The following TRIM45 variants were observed in gnomAD, a reference collection of about 807,000 sequenced individuals.
TRIM45 encodes E3 ubiquitin-protein ligase TRIM45.
A neutral mutation model predicts 46.7 loss-of-function variants in TRIM45; 45 were observed. The observed-to-expected ratio is 0.96, with a 90% confidence interval of 0.76 to 1.24. The LOEUF is 1.24. Ranked by LOEUF, TRIM45 falls within the 50% of genes most tolerant of loss-of-function variation. The pLI is 0.00. For synonymous variants in TRIM45, 259 were observed against 285.8 expected, an observed-to-expected ratio of 0.91 and a Z score of 0.94; for missense variants, 680 against 728.4, an observed-to-expected ratio of 0.93 and a Z score of 0.77.
Position 117,113,273 on chromosome 1 carries a change from G to A in TRIM45, c.1594+86C>T. The A allele has an allele frequency of 6.5e-7, 1 of 1,550,294 alleles. No individual in the cohort carries two copies. Among genetic ancestry groups the A allele is most frequent in the East Asian group, 2.3e-5 (1 of 44,404 alleles). On this transcript the variant is annotated intron_variant, in intron 5 of 5. Transcript: ENST00000256649. This position sits in a 1 kb window ranked among gnomAD's most constrained non-coding sequence, Gnocchi z 4.0. ...CTAGAAACAGAGCCTAAGTCCAAATGTCTAGTGGCTGTGTGGTAGGGAAGG... is the reference window on the plus strand; with the variant it reads ...CTAGAAACAGAGCCTAAGTCCAAATATCTAGTGGCTGTGTGGTAGGGAAGG...
upstream of TRIM45, chr1:117,121,824 C>G (rs1200580389): frequency 1.4e-6 from 1 of 712,484 alleles, no homozygotes; most frequent in South Asian, 1.5e-5. This position sits in a 1 kb window ranked among gnomAD's most constrained non-coding sequence, Gnocchi z 4.2. Flanking sequence ...GCCCTCGCCG[C>G]TCCGGGCCCC....
chr1:117,112,970 T>G (rs544665063), intron 5 of TRIM45, among the ~76,000 whole-genome samples: 2 of 152,132 alleles, frequency 1.3e-5, no homozygotes, highest in Non-Finnish European at 2.9e-5. Flanking sequence ...CAGACCTTGT[T>G]CAATTGGTTT....
chr1:117,115,434 A>G lies in TRIM45; in HGVS notation c.1467+141T>C. Reference sequence around the variant, plus strand: ...CTCCAGGAAGAATAAGAGTAGCAAAATCTGGGCTGTTTCTAAAGTGAAGAA... The same window carrying G: ...CTCCAGGAAGAATAAGAGTAGCAAAGTCTGGGCTGTTTCTAAAGTGAAGAA... On this transcript the variant is annotated intron_variant, in intron 4 of 5. Coordinates refer to ENST00000256649, the MANE Select transcript of TRIM45 (RefSeq NM_025188.4). The surrounding 1 kb of genome is among the most constrained non-coding windows in gnomAD (Gnocchi z 4.2). 1.6e-6 allele frequency: 1 copy of G among 633,930 alleles called. No homozygotes were observed. The highest frequency in any genetic ancestry group is 2.8e-6 in the Non-Finnish European group (1 of 358,476). 39.3% of individuals were successfully genotyped at this position (633,930 alleles called of 1,614,324 possible). A position where few individuals can be genotyped will look rare whatever the true frequency, so the allele number is the denominator to read the frequency against.
rs1327150292 is a variant in TRIM45 at position 117,112,332 on chromosome 1, C to G, written c.1716G>C (p.Arg572Ser). The G allele has an allele frequency of 1.9e-6, 3 of 1,613,022 alleles. No individual in the cohort carries two copies. The Admixed American group carries it at 5.0e-5, about 27-fold the overall frequency. ...CTWTGGQSAPRSLLRTVAL is the reference protein window; with the variant it reads ...CTWTGGQSAPSSLLRTVAL ...AGAGAGCCACAGTCCTAAGTAGACTCCTCGGTGCGCTCTGCCCACCTGTCC... is the reference window on the plus strand; with the variant it reads ...AGAGAGCCACAGTCCTAAGTAGACTGCTCGGTGCGCTCTGCCCACCTGTCC... Residue 572 changes from arginine (R) to serine (S), a missense_variant, in exon 6 of 6, where the codon AGG (arginine) becomes AGC (serine). Physicochemically the swap from Arg to Ser is moderately radical, Grantham distance 110 (BLOSUM62 -1). This residue lies in a region of TRIM45 where 322 missense variants were observed against 359.3 expected (regional missense o/e 0.90). Transcript: ENST00000256649.
upstream of TRIM45, among the ~76,000 whole-genome samples, chr1:117,123,694 A>G (rs1050809739): frequency 1.3e-5 from 2 of 149,820 alleles, no homozygotes; most frequent in Non-Finnish European, 3.0e-5. Flanking sequence ...CAATGGCAGG[A>G]TCTCGGCACA....
At position 117,118,146 on chromosome 1, in the gene TRIM45, A is replaced by T. The variant is rs746187166; in HGVS notation, c.1110T>A (p.Asp370Glu). 2.4e-5 allele frequency: 39 copies of T among 1,614,074 alleles called. No homozygotes were observed. In the South Asian group the frequency reaches 4.0e-4, roughly 16 times the overall value. ...TCTCCTGAGGACAGAAGCGTATCTT[A>T]TCATTTACTCCAGGACGGGTGCTAT... Reference protein sequence around the residue: ...VQYSTRPGVNDKIRFCPQEKA... With the variant: ...VQYSTRPGVNEKIRFCPQEKA... The change falls in exon 2 of 6, where the codon GAT (aspartate) becomes GAA (glutamate). Residue 370 changes from aspartate to glutamate, a missense_variant. This residue lies in a region of TRIM45 where 322 missense variants were observed against 359.3 expected (regional missense o/e 0.90). Transcript: ENST00000256649. This position sits in a 1 kb window ranked among gnomAD's most constrained non-coding sequence, Gnocchi z 5.7.
upstream of TRIM45, chr1:117,121,838 G>A (rs752075079): frequency 2.7e-5 from 19 of 714,260 alleles, no homozygotes; most frequent in South Asian, 2.8e-4. This position sits in a 1 kb window ranked among gnomAD's most constrained non-coding sequence, Gnocchi z 4.2. Context: ...GGGCCCCGCC[G>A]CCCTCCAGAG....
chr1:117,119,573 C>T (rs1436298287), intron 1 of TRIM45, among the ~76,000 whole-genome samples: 2 of 151,512 alleles, frequency 1.3e-5, no homozygotes, highest in Admixed American at 6.6e-5. Flanking sequence ...TGTTATTGCA[C>T]TCCAGCCTGG....
At position 117,115,436 on chromosome 1, in the gene TRIM45, C is replaced by A; in HGVS notation, c.1467+139G>T. The A allele has an allele frequency of 1.6e-6, 1 of 635,240 alleles. No homozygotes were observed. Among genetic ancestry groups the A allele is most frequent in the South Asian group, 2.1e-5 (1 of 47,262 alleles). The allele number at this position is 635,240 out of a possible 1,614,324, so 39.4% of individuals were successfully genotyped here. A position where few individuals can be genotyped will look rare whatever the true frequency, so the allele number is the denominator to read the frequency against. ...CCAGGAAGAATAAGAGTAGCAAAAT[C>A]TGGGCTGTTTCTAAAGTGAAGAAGA... On this transcript the variant is annotated intron_variant, in intron 4 of 5. Transcript: ENST00000256649. This position sits in a 1 kb window ranked among gnomAD's most constrained non-coding sequence, Gnocchi z 4.2.
In TRIM45 at chr1:117,112,095, C is replaced by T; in HGVS notation, c.*210G>A. 2.1e-6 allele frequency: 1 copy of T among 468,230 alleles called. No individual in the cohort carries two copies. The highest frequency in any genetic ancestry group is 6.5e-5 in the South Asian group (1 of 15,344). 29.0% of individuals were successfully genotyped at this position (468,230 alleles called of 1,614,324 possible). A position where few individuals can be genotyped will look rare whatever the true frequency, so the allele number is the denominator to read the frequency against. The stretch of plus-strand genomic sequence containing the variant: ...TAGAAAAAGAACGTTGCCAACCTAC[C>T]TTTAAGAGAAATGTAGAGGTGGTTT... On this transcript the variant is annotated 3_prime_UTR_variant, in exon 6 of 6. Transcript: ENST00000256649.
upstream of TRIM45, among the ~76,000 whole-genome samples, chr1:117,123,582 G>T (rs1360221077): frequency 6.6e-6 from 1 of 151,586 alleles, no homozygotes; most frequent in African/African-American, 2.4e-5. Flanking sequence ...ACAACCTTAT[G>T]ATGCCATATC....
upstream of TRIM45, chr1:117,121,775 G>T: frequency 1.4e-6 from 1 of 704,002 alleles, no homozygotes; most frequent in Non-Finnish European, 2.6e-6. This position sits in a 1 kb window ranked among gnomAD's most constrained non-coding sequence, Gnocchi z 4.2. Flanking sequence ...TCCCAGCCCG[G>T]TCTACTCCGG....
rs1650647105 is a variant in TRIM45, at chr1:117,121,738, G to C, written c.-537C>G. ...TCCCGCGCCTCGGCCCGGGACGCCCGCGGGCTCTGGCCCCTCCTCACACCA... is the reference window on the plus strand; with the variant it reads ...TCCCGCGCCTCGGCCCGGGACGCCCCCGGGCTCTGGCCCCTCCTCACACCA... On this transcript the variant is annotated 5_prime_UTR_variant, in exon 1 of 6. Coordinates refer to ENST00000256649, the MANE Select transcript of TRIM45 (RefSeq NM_025188.4). This position sits in a 1 kb window ranked among gnomAD's most constrained non-coding sequence, Gnocchi z 4.2. 3.2e-6 allele frequency: 2 copies of C among 619,436 alleles called. No individual in the cohort carries two copies. The highest frequency in any genetic ancestry group is 5.8e-5 in the Admixed American group (2 of 34,664). The allele number at this position is 619,436 out of a possible 1,614,324, so 38.4% of individuals were successfully genotyped here.
chr1:117,118,149 AT>A lies in TRIM45; in HGVS notation c.1106del (p.Asn369MetfsTer127). The A allele has an allele frequency of 6.2e-7, 1 of 1,614,048 alleles. No homozygotes were observed. Among genetic ancestry groups the A allele is most frequent in the Non-Finnish European group, 8.5e-7 (1 of 1,180,022 alleles). On this transcript the variant is annotated frameshift_variant, in exon 2 of 6. Coordinates refer to ENST00000256649, the MANE Select transcript of TRIM45 (RefSeq NM_025188.4). LOFTEE classifies it high-confidence loss of function. This position sits in a 1 kb window ranked among gnomAD's most constrained non-coding sequence, Gnocchi z 5.7. ...KVQYSTRPGVNDKIRFCPQEK... is the reference protein window; with the variant it reads ...KVQYSTRPGVXDKIRFCPQEK... Reference sequence around the variant, plus strand: ...CCTGAGGACAGAAGCGTATCTTATCATTTACTCCAGGACGGGTGCTATATTG... The same window carrying A: ...CCTGAGGACAGAAGCGTATCTTATCATTACTCCAGGACGGGTGCTATATTG...
rs914245829 is a variant in TRIM45, at chr1:117,121,501, C to T, written c.-300G>A. 4 of 528,976 alleles carry T rather than the reference C, an allele frequency of 7.6e-6. No individual in the cohort carries two copies. The highest frequency in any genetic ancestry group is 6.4e-5 in the East Asian group (2 of 31,410). The allele number at this position is 528,976 out of a possible 1,614,324, so 32.8% of individuals were successfully genotyped here. A position where few individuals can be genotyped will look rare whatever the true frequency, so the allele number is the denominator to read the frequency against. On this transcript the variant is annotated 5_prime_UTR_variant, in exon 1 of 6. Transcript: ENST00000256649. This position sits in a 1 kb window ranked among gnomAD's most constrained non-coding sequence, Gnocchi z 4.2. ...TTCCAGGTCTAGCTCTCCAGCTAGT[C>T]CTGCTGCCAACAAAGTCACCCCTGC...
chr1:117,118,340 T>C lies in TRIM45; in HGVS notation c.916A>G (p.Lys306Glu). 1.3e-5 allele frequency: 21 copies of C among 1,614,142 alleles called. No individual in the cohort carries two copies. Among genetic ancestry groups the C allele is most frequent in the Non-Finnish European group, 1.8e-5 (21 of 1,180,016 alleles). The change falls in exon 2 of 6, where the codon AAG becomes GAG. Residue 306 changes from lysine (K) to glutamate (E), a missense_variant. Transcript: ENST00000256649. This position sits in a 1 kb window ranked among gnomAD's most constrained non-coding sequence, Gnocchi z 5.7. Reference protein sequence around the residue: ...LKQLEDIRAQKENSLQLQKAQ... With the variant: ...LKQLEDIRAQEENSLQLQKAQ... ...TTCTGCAGCTGCAGGGAATTTTCCT[T>C]CTGGGCCCGTATGTCTTCCAGCTGC...
chr1:117,120,894 A>T lies in TRIM45; in HGVS notation c.308T>A (p.Leu103Gln). 6.2e-7 allele frequency: 1 copy of T among 1,614,188 alleles called. No individual in the cohort carries two copies. Among genetic ancestry groups the T allele is most frequent in the Non-Finnish European group, 8.5e-7 (1 of 1,180,018 alleles). Residue 103 changes from leucine (L) to glutamine (Q), a missense_variant, in exon 1 of 6, where the codon CTG (leucine) becomes CAG (glutamine). This residue lies in a region of TRIM45 where 349 missense variants were observed against 343.6 expected (regional missense o/e 1.02). Coordinates refer to ENST00000256649, the MANE Select transcript of TRIM45 (RefSeq NM_025188.4). ...TAAAGCCTTCACTCCACCCATGGGC[A>T]GGTCCACCTGAGCATCACATACAGG... ...LCPVCDAQVD[L>Q]PMGGVKALTI... is the part of the protein sequence containing the mutation.
At chr1:117,119,039 A>G (rs1650522118) in intron 1 of TRIM45, among the ~76,000 whole-genome samples, 1 of 152,264 alleles carries the variant, frequency 6.6e-6, no homozygotes, top group African/African-American at 2.4e-5. Flanking sequence ...TTGCAAGACT[A>G]TGACTGCATG....
rs1442823392 is a variant in TRIM45, at chr1:117,115,667, C to T, written c.1375G>A (p.Asp459Asn). ...ATGTAGTATGTCCCATCCTTGTTATCCTGGACCATTGTTCTGACTGGGCTG... is the reference window on the plus strand; with the variant it reads ...ATGTAGTATGTCCCATCCTTGTTATTCTGGACCATTGTTCTGACTGGGCTG... ...KDSPVRTMVQ[D>N]NKDGTYYISY... The change falls in exon 4 of 6, where the codon GAT becomes AAT. Residue 459 changes from aspartate (D) to asparagine (N), a missense_variant. By Grantham distance (23) the Asp-to-Asn change is conservative. This residue lies in a region of TRIM45 where 322 missense variants were observed against 359.3 expected (regional missense o/e 0.90). Transcript: ENST00000256649. This position sits in a 1 kb window ranked among gnomAD's most constrained non-coding sequence, Gnocchi z 4.2. 1 of 1,614,054 alleles carries T rather than the reference C, an allele frequency of 6.2e-7. No homozygotes were observed. The highest frequency in any genetic ancestry group is 8.5e-7 in the Non-Finnish European group (1 of 1,179,966).
Sources: gnomAD v4.1 joint callset for allele counts (sites outside exome capture counted in the v4.1 genomes callset) on GRCh38, gnomAD v4.1.1 for gene constraint, gnomAD v4.1.1 regional missense constraint, Gnocchi (gnomAD v3.1) non-coding constraint, MANE v1.5 for transcripts, NCBI Gene and HGNC (gene_info 2026-07-23, HGNC 2026-07-21) for gene names.